The following NRXN1 variants were observed in gnomAD, a reference collection of about 807,000 sequenced individuals.
The protein encoded by NRXN1 is neurexin 1, also known as neurexin-1.
A neutral mutation model predicts 150.9 loss-of-function variants in NRXN1; 39 were observed. The observed-to-expected ratio is 0.26, with a 90% CI of 0.20 to 0.34. NRXN1 has a LOEUF of 0.34. Among genes scored for constraint, NRXN1 ranks in the 10% least tolerant of loss-of-function variants. The pLI, the probability that NRXN1 is intolerant of heterozygous loss-of-function variation, is 1.00. For missense variants in NRXN1, 1,815 were observed against 1,949.9 expected (o/e 0.93, Z 1.30); for synonymous variants, 924 against 757.0 (o/e 1.22, Z -3.62).
chr2:50,030,165 G>A (rs944020265), intron 21 of NRXN1, among the ~76,000 whole-genome samples: 3 of 152,118 alleles, frequency 2.0e-5, no homozygotes, highest in Admixed American at 1.3e-4. Context: ...CTTGACTAAA[G>A]GTTAGACAGG....
chr2:50,263,166 ACACACACACAC>A (rs1321906170), intron 17 of NRXN1, among the ~76,000 whole-genome samples: 3 of 32,958 alleles, frequency 9.1e-5, no homozygotes, highest in African/African-American at 3.6e-4. Flanking sequence ...ATACACACAC[ACACACACACAC>A]ACACACACAC....
At chr2:50,098,438 G>T (rs1159977996) in intron 18 of NRXN1, among the ~76,000 whole-genome samples, 1 of 152,066 alleles carries the variant, frequency 6.6e-6, no homozygotes. Context: ...CATTTGGACA[G>T]CTCTAACACT....
chr2:50,404,853 T>TG (rs2082644081), intron 17 of NRXN1, among the ~76,000 whole-genome samples: 1 of 152,086 alleles, frequency 6.6e-6, no homozygotes, highest in Non-Finnish European at 1.5e-5. Flanking sequence ...GAAAGGATCT[T>TG]GACTTGAGAG....
intron 5 of NRXN1, among the ~76,000 whole-genome samples, chr2:50,746,192 A>G (rs1303182988): frequency 6.6e-6 from 1 of 152,086 alleles, no homozygotes; most frequent in Non-Finnish European, 1.5e-5. Flanking sequence ...CCTCAAGAAC[A>G]TTAAGGATTA....
intron 8 of NRXN1, chr2:50,615,740 G>A (rs1678953914): frequency 6.6e-6 from 1 of 152,086 alleles, no homozygotes; most frequent in Admixed American, 6.6e-5. Context: ...TAAGGTAAAT[G>A]GGCAAGATGT....
At chr2:50,206,246 C>G (rs1007539512) in intron 18 of NRXN1, among the ~76,000 whole-genome samples, 1 of 150,536 alleles carries the variant, frequency 6.6e-6, no homozygotes, top group Non-Finnish European at 1.5e-5. Flanking sequence ...CACACACACA[C>G]ACACACACAC....
At chr2:50,556,065 T>C (rs752474461) in intron 8 of NRXN1, among the ~76,000 whole-genome samples, 5 of 152,168 alleles carry the variant, frequency 3.3e-5, no homozygotes, top group Non-Finnish European at 7.4e-5. Flanking sequence ...TATTTTTTTC[T>C]TCCCATTTTG....
chr2:50,324,929 G>C (rs35861835), intron 17 of NRXN1, among the ~76,000 whole-genome samples: 18,876 of 152,218 alleles, frequency 0.12, 1,303 homozygotes, highest in African/African-American at 0.15. Flanking sequence ...CTGGTTGTGA[G>C]GAAGCTGTGC....
intron 21 of NRXN1, among the ~76,000 whole-genome samples, chr2:50,032,398 A>G (rs1178341382): frequency 1.3e-5 from 2 of 152,086 alleles, no homozygotes; most frequent in African/African-American, 2.4e-5. Context: ...TAGTTGGGAA[A>G]TTGTTTTGTC....
chr2:50,034,872 T>C (rs1689783602), intron 21 of NRXN1, among the ~76,000 whole-genome samples: 1 of 152,128 alleles, frequency 6.6e-6, no homozygotes, highest in Non-Finnish European at 1.5e-5. Context: ...GGATAATTTA[T>C]ATATAGTTTC....
intron 5 of NRXN1, among the ~76,000 whole-genome samples, chr2:50,882,113 A>G (rs1374006269): frequency 6.6e-6 from 1 of 151,922 alleles, no homozygotes; most frequent in Non-Finnish European, 1.5e-5. Flanking sequence ...AATGACTTAA[A>G]AAGTTAAAGT....
intron 5 of NRXN1, among the ~76,000 whole-genome samples, chr2:50,839,107 G>C (rs1672506670): frequency 6.6e-6 from 1 of 152,062 alleles, no homozygotes; most frequent in African/African-American, 2.4e-5. Flanking sequence ...AGTTCATCAA[G>C]TTAATTCCTT....
At chr2:49,957,170 C>A (rs915307444) in intron 21 of NRXN1, among the ~76,000 whole-genome samples, 6 of 152,104 alleles carry the variant, frequency 3.9e-5, no homozygotes, top group Non-Finnish European at 7.4e-5. Context: ...TCTTAAATCC[C>A]AGCTCTGCCA....
intron 12 of NRXN1, among the ~76,000 whole-genome samples, chr2:50,517,307 T>C (rs1482021794): frequency 6.6e-6 from 1 of 152,164 alleles, no homozygotes; most frequent in South Asian, 2.1e-4. Flanking sequence ...TTCTCCTCAA[T>C]GAGTTTAAAA....
chr2:50,838,942 A>G (rs1672477263), intron 5 of NRXN1, among the ~76,000 whole-genome samples: 1 of 152,080 alleles, frequency 6.6e-6, no homozygotes, highest in African/African-American at 2.4e-5. Context: ...AAGCCAAAAC[A>G]CTGAGGTGAA....
At chr2:49,975,288 G>A (rs1397225209) in intron 21 of NRXN1, among the ~76,000 whole-genome samples, 11 of 151,738 alleles carry the variant, frequency 7.2e-5, no homozygotes, top group Admixed American at 7.2e-4. Flanking sequence ...AGCCACCCTG[G>A]CACTTTTATT....
chr2:50,382,882 G>C (rs896490477), intron 17 of NRXN1, among the ~76,000 whole-genome samples: 1 of 152,136 alleles, frequency 6.6e-6, no homozygotes, highest in African/African-American at 2.4e-5. Flanking sequence ...GATAACCTTT[G>C]CTTAGGAAGA....
At chr2:50,378,493 C>A (rs560960935) in intron 17 of NRXN1, among the ~76,000 whole-genome samples, 16 of 152,174 alleles carry the variant, frequency 1.1e-4, no homozygotes, top group African/African-American at 3.6e-4. Context: ...CGGTTGCTTA[C>A]CCTCGTGATT....
chr2:50,400,818 G>A (rs948278456), intron 17 of NRXN1, among the ~76,000 whole-genome samples: 1 of 152,110 alleles, frequency 6.6e-6, no homozygotes, highest in Non-Finnish European at 1.5e-5. Flanking sequence ...TATAAGATTT[G>A]GTAGAAACTG....
Sources: allele counts gnomAD v4.1 joint callset (sites outside exome capture counted in the v4.1 genomes callset), GRCh38; gene constraint gnomAD v4.1.1; transcripts MANE v1.5; gene names NCBI Gene and HGNC (gene_info 2026-07-23, HGNC 2026-07-21).